The following MYO1C variants were observed in gnomAD, a reference collection of about 807,000 sequenced individuals.
MYO1C encodes the protein myosin IC, also known as unconventional myosin-Ic.
A neutral mutation model predicts 150.8 loss-of-function variants in MYO1C; 104 were observed. The ratio of observed to expected loss-of-function variants is 0.69; its 90% CI spans 0.59 to 0.81. The LOEUF (loss-of-function observed/expected upper bound fraction) is 0.81. Ranked by LOEUF, MYO1C falls within the 30% of genes least tolerant of loss-of-function variation. The probability of loss-of-function intolerance (pLI) is 0.00; values close to 1 mark genes in which losing one functional copy is unlikely to be tolerated. For missense variants in MYO1C, 1,504 were observed against 1,435.0 expected, an observed-to-expected ratio of 1.05 and a Z score of -0.78; for synonymous variants, 663 against 579.9, an observed-to-expected ratio of 1.14 and a Z score of -2.06.
chr17:1,481,126 CAA>C, intron 5 of MYO1C: 1 of 558,572 alleles, frequency 1.8e-6, no homozygotes, highest in East Asian at 3.1e-5. Flanking sequence ...ACAGGTATCG[CAA>C]ATTCAACAGG....
chr17:1,467,504 T>C lies in MYO1C; in HGVS notation c.3041A>G (p.Asn1014Ser). ...TKTALSANRV[N>S]SININQGSIT... The stretch of plus-strand genomic sequence containing the variant: ...CCTGCCCTGGTTGATGTTGATGCTG[T>C]TCACGCGGTTGGCACTGAGGGCTGT... Residue 1014 changes from asparagine to serine, a missense_variant, in exon 30 of 32, where the codon AAC (asparagine) becomes AGC (serine). Asn to Ser is a conservative substitution (Grantham distance 46). Transcript: ENST00000648651. 6.2e-7 allele frequency: 1 copy of C among 1,613,354 alleles called. No individual in the cohort carries two copies. Among genetic ancestry groups the C allele is most frequent in the East Asian group, 2.2e-5 (1 of 44,826 alleles).
rs371622828 is a variant in MYO1C, at chr17:1,465,693, T to C, written c.*33A>G. On this transcript the variant is annotated 3_prime_UTR_variant, in exon 32 of 32. Transcript: ENST00000648651. ...AGGGGAGGAGGAGAAAAGCAAAGCA[T>C]TGGGCGTTGGGAGGGTCCAGTGGGC... 2.7e-5 allele frequency: 36 copies of C among 1,329,900 alleles called. No individual in the cohort carries two copies. The highest frequency in any genetic ancestry group is 8.4e-5 in the East Asian group (3 of 35,752). The allele number at this position is 1,329,900 out of a possible 1,614,324, so 82.4% of individuals were successfully genotyped here.
At chr17:1,473,382 TGGAGAGGCCTGGGCGGGA>T (rs950862970) in intron 17 of MYO1C, among the ~76,000 whole-genome samples, 2 of 151,592 alleles carry the variant, frequency 1.3e-5, no homozygotes, top group African/African-American at 2.4e-5. Flanking sequence ...TGTGGCTTGC[TGGAGAGGCCTGGGCGGGA>T]GGGTGTGTAG....
chr17:1,480,941 C>G, intron 5 of MYO1C, 56 bp from the exon 6 acceptor site: 3 of 1,586,522 alleles, frequency 1.9e-6, no homozygotes, highest in African/African-American at 2.7e-5. Context: ...AAGAGCCCAC[C>G]TGCCCCTCTT....
In MYO1C at chr17:1,480,486, G is replaced by T. The variant is rs1042344899; in HGVS notation, c.906+41C>A. On this transcript the variant is annotated intron_variant, in intron 7 of 31. Coordinates refer to ENST00000648651, the MANE Select transcript of MYO1C (RefSeq NM_001080779.2). ...ACAAAAAAAAAAGGAGATTTTGGGG[G>T]TGTGACAGGAGGAAAGCGAGGGTCC... is the stretch of plus-strand genomic sequence containing the variant. 5 of 1,490,694 alleles carry T rather than the reference G, an allele frequency of 3.4e-6. No individual in the cohort carries two copies. In the African/African-American group the frequency reaches 4.2e-5, roughly 12 times the overall value. 92.3% of individuals were successfully genotyped at this position (1,490,694 alleles called of 1,614,324 possible). A position where few individuals can be genotyped will look rare whatever the true frequency, so the allele number is the denominator to read the frequency against.
chr17:1,470,400 G>C, intron 23 of MYO1C, 35 bp downstream of exon 23: 3 of 1,548,808 alleles, frequency 1.9e-6, no homozygotes, highest in Non-Finnish European at 2.6e-6. Context: ...CCCACGCCCT[G>C]CTCTGCAGCC....
At chr17:1,484,016 T>C in intron 2 of MYO1C, 132 bp downstream of exon 2, 3 of 1,201,930 alleles carry the variant, frequency 2.5e-6, no homozygotes, top group Non-Finnish European at 3.5e-6. Flanking sequence ...CACTCCAGCC[T>C]GGGCAACAAG....
In MYO1C at chr17:1,469,341, C is replaced by CGGGGTAAATACGGTAGACT. The variant is rs375478167; in HGVS notation, c.2610+171_2610+189dup. On this transcript the variant is annotated intron_variant, in intron 25 of 31. Coordinates refer to ENST00000648651, the MANE Select transcript of MYO1C (RefSeq NM_001080779.2). Reference sequence around the variant, plus strand: ...AGTAGACCGAGATAAATACGGTAGGCGGGGTAAATACGGTAGACTGGGGTA... The same window carrying CGGGGTAAATACGGTAGACT: ...AGTAGACCGAGATAAATACGGTAGGCGGGGTAAATACGGTAGACTGGGGTAAATACGGTAGACTGGGGTA... 4.0e-3 allele frequency: 2,570 copies of CGGGGTAAATACGGTAGACT among 638,242 alleles called. 55 individuals carry two copies. The highest frequency in any genetic ancestry group is 0.04 in the African/African-American group (2,238 of 55,882). The allele number at this position is 638,242 out of a possible 1,614,324, so 39.5% of individuals were successfully genotyped here.
rs759969887 is a variant in MYO1C, at chr17:1,480,773, C to G, written c.740G>C (p.Gly247Ala). 1.9e-6 allele frequency: 3 copies of G among 1,614,124 alleles called. No individual in the cohort carries two copies. The highest frequency in any genetic ancestry group is 2.5e-6 in the Non-Finnish European group (3 of 1,180,000). Residue 247 changes from glycine (G) to alanine (A), a missense_variant, in exon 6 of 32, where the codon GGC (glycine) becomes GCC (alanine). Physicochemically the swap from Gly to Ala is moderately conservative, Grantham distance 60. Transcript: ENST00000648651. ...CAGCCTGCGAAGAGTCTCCTCCTCG[C>G]CCCCCTCCAGCAGCTGGTAGAAGAT... The part of the protein sequence containing the change: ...FHIFYQLLEG[G>A]EEETLRRLGL...
Position 1,471,104 on chromosome 17 carries a change from C to G in MYO1C, c.2179G>C (p.Glu727Gln). ...IRFPKTLFAT[E>Q]DALEVRRQSL... ...TGCCGCCGGACCTCCAGGGCATCCT[C>G]TGTGGCAAACAGGGTCTTGGGGAAG... Residue 727 changes from glutamate (E) to glutamine (Q), a missense_variant, in exon 21 of 32, where the codon GAG (glutamate) becomes CAG (glutamine). Glu to Gln is a conservative substitution (Grantham distance 29). Coordinates refer to ENST00000648651, the MANE Select transcript of MYO1C (RefSeq NM_001080779.2). 6.2e-7 allele frequency: 1 copy of G among 1,614,176 alleles called. No homozygotes were observed. Among genetic ancestry groups the G allele is most frequent in the Non-Finnish European group, 8.5e-7 (1 of 1,180,006 alleles).
intron 6 of MYO1C, 22 bp from the exon 7 acceptor site, chr17:1,480,647 G>A (rs1347395502): frequency 3.7e-6 from 6 of 1,613,878 alleles, no homozygotes; most frequent in Admixed American, 3.3e-5. Context: ...GCACAGCTGG[G>A]TTGCCAGCCC....
rs139236876 is a variant in MYO1C at position 1,479,633 on chromosome 17, C to T, written c.979G>A (p.Ala327Thr). The T allele has an allele frequency of 6.2e-7, 1 of 1,613,670 alleles. No homozygotes were observed. The highest frequency in any genetic ancestry group is 8.5e-7 in the Non-Finnish European group (1 of 1,179,898). The change falls in exon 8 of 32, where the codon GCC becomes ACC. Residue 327 changes from alanine (A) to threonine (T), a missense_variant. Ala to Thr is a moderately conservative substitution (Grantham distance 58). Coordinates refer to ENST00000648651, the MANE Select transcript of MYO1C (RefSeq NM_001080779.2). This position sits in a 1 kb window ranked among gnomAD's most constrained non-coding sequence, Gnocchi z 4.2. ...IHFAANEESN[A>T]QVTTENQLKY... is the part of the protein sequence containing the mutation. ...AGCTGGTTCTCGGTGGTGACCTGGG[C>T]ATTGCTCTCCTCGTTGGCAGCAAAG...
chr17:1,468,618 G>C (rs2074232591), intron 25 of MYO1C, 122 bp from the exon 26 acceptor site: 1 of 770,124 alleles, frequency 1.3e-6, no homozygotes, highest in Non-Finnish European at 2.2e-6. Context: ...CTCTGGCTCA[G>C]CACCAGGAGG....
Position 1,470,673 on chromosome 17 carries a change from AGCTTGGATCTTT to A in MYO1C, c.2217_2228del (p.Lys740_Ala743del). 6.2e-7 allele frequency: 1 copy of A among 1,607,302 alleles called. No homozygotes were observed. The highest frequency in any genetic ancestry group is 8.5e-7 in the Non-Finnish European group (1 of 1,179,568). On this transcript the variant is annotated inframe_deletion, in exon 22 of 32. Coordinates refer to ENST00000648651, the MANE Select transcript of MYO1C (RefSeq NM_001080779.2). ...GCCGCCAGTGAAAGCCCCTCCAGGCAGCTTGGATCTTTGTGGCTGCGGTTGGGAAAGAAAGGC... is the reference window on the plus strand; with the variant it reads ...GCCGCCAGTGAAAGCCCCTCCAGGCAGTGGCTGCGGTTGGGAAAGAAAGGC...
chr17:1,480,983 A>G, intron 5 of MYO1C, 98 bp from the exon 6 acceptor site: 4 of 1,350,566 alleles, frequency 3.0e-6, no homozygotes, highest in Non-Finnish European at 3.1e-6. Context: ...TGGCAGCCAG[A>G]CCTGGATGCC....
intron 17 of MYO1C, among the ~76,000 whole-genome samples, chr17:1,473,697 C>T (rs569502410): frequency 2.0e-5 from 3 of 152,288 alleles, no homozygotes; most frequent in Admixed American, 6.5e-5. Flanking sequence ...CCTGCCTTTC[C>T]CCCGGTCCTT....
rs2074447740 is a variant in MYO1C, at chr17:1,478,554, AC to A, written c.1212+61del. 1 of 1,612,334 alleles carries A rather than the reference AC, an allele frequency of 6.2e-7. No homozygotes were observed. On this transcript the variant is annotated intron_variant, in intron 10 of 31. Coordinates refer to ENST00000648651, the MANE Select transcript of MYO1C (RefSeq NM_001080779.2). This position sits in a 1 kb window ranked among gnomAD's most constrained non-coding sequence, Gnocchi z 6.3. ...GCGCGTGCCAGCCCCACCCTGCAGC[AC>A]CCCCCGCCTCGCCGACGGCCCTCCC...
At chr17:1,470,029 A>G in intron 24 of MYO1C, 146 bp downstream of exon 24, 3 of 896,212 alleles carry the variant, frequency 3.3e-6, no homozygotes, top group Non-Finnish European at 4.9e-6. Flanking sequence ...TCCATCTCAA[A>G]AAAAAAAGAG....
chr17:1,468,089 C>T lies in MYO1C; in HGVS notation c.2795G>A (p.Gly932Asp), dbSNP rs762195154. Residue 932 changes from glycine (G) to aspartate (D), a missense_variant, in exon 28 of 32, where the codon GGC becomes GAC. Gly to Asp is a moderately conservative substitution (Grantham distance 94, BLOSUM62 -1). Transcript: ENST00000648651. ...CAGCTGCCGGGAGCGAGGCTTGTAG[C>T]CCTTGCGGTCGTATTTCACAACAGG... Reference protein sequence around the residue: ...AVPVVKYDRKGYKPRSRQLLL... With the variant: ...AVPVVKYDRKDYKPRSRQLLL... The T allele has an allele frequency of 1.3e-5, 21 of 1,613,520 alleles. No homozygotes were observed. The South Asian group carries it at 2.0e-4, about 15-fold the overall frequency.
Sources: allele counts gnomAD v4.1 joint callset (sites outside exome capture counted in the v4.1 genomes callset), GRCh38; gene constraint gnomAD v4.1.1; non-coding constraint Gnocchi (gnomAD v3.1); transcripts MANE v1.5; gene names NCBI Gene and HGNC (gene_info 2026-07-23, HGNC 2026-07-21).